The following IPO5 variants were observed in gnomAD, a reference collection of about 807,000 sequenced individuals.
IPO5 encodes the protein importin 5, also known as importin-5.
IPO5 carries 18 observed loss-of-function variants against 143.3 expected under a neutral mutation model. That is an observed-to-expected ratio of 0.13 (90% CI 0.09 to 0.19). The LOEUF (loss-of-function observed/expected upper bound fraction) is 0.19. IPO5 is among the 10% of genes least tolerant of loss of function. The probability of loss-of-function intolerance (pLI) is 1.00; values close to 1 mark genes in which losing one functional copy is unlikely to be tolerated. For synonymous variants in IPO5, 477 were observed against 465.7 expected (o/e 1.02, Z -0.31); for missense variants, 1,013 against 1,336.9 (o/e 0.76, Z 3.78).
rs149702818 is a variant in IPO5, at chr13:98,018,721, C to T, written c.2836+17C>T. The T allele has an allele frequency of 8.2e-4, 1,285 of 1,575,022 alleles. 14 individuals are homozygous for T. In the East Asian group the frequency reaches 0.023, roughly 29 times the overall value. ...TTTGTACAGGTACGTTTGCTTATTCCGTTACGTGCATTTCATTCCAGACAT... is the reference window on the plus strand; with the variant it reads ...TTTGTACAGGTACGTTTGCTTATTCTGTTACGTGCATTTCATTCCAGACAT... On this transcript the variant is annotated intron_variant, in intron 26 of 28. Coordinates refer to ENST00000651721, the MANE Select transcript of IPO5 (RefSeq NM_002271.6).
Position 97,985,402 on chromosome 13 carries a change from C to T in IPO5, c.172-19C>T. The T allele has an allele frequency of 1.3e-6, 2 of 1,592,602 alleles. No homozygotes were observed. Among genetic ancestry groups the T allele is most frequent in the Non-Finnish European group, 1.7e-6 (2 of 1,161,354 alleles). The stretch of plus-strand genomic sequence containing the variant: ...ATGGCAGAGTGAATCTAGTTATTAA[C>T]AATGTTATCTGTTTATAGGCTAGAC... On this transcript the variant is annotated intron_variant, in intron 5 of 28. Coordinates refer to ENST00000651721, the MANE Select transcript of IPO5 (RefSeq NM_002271.6).
chr13:97,962,571 C>G (rs1184449373), intron 2 of IPO5, among the ~76,000 whole-genome samples: 1 of 152,110 alleles, frequency 6.6e-6, no homozygotes, highest in Admixed American at 6.6e-5. Flanking sequence ...AATCCCAGCA[C>G]TTTGGGGGGC....
chr13:97,957,491 C>T (rs959389562), intron 2 of IPO5, among the ~76,000 whole-genome samples: 36 of 152,088 alleles, frequency 2.4e-4, no homozygotes, highest in African/African-American at 8.7e-4. Flanking sequence ...CCACCGCACT[C>T]AGCCTGATCT....
Position 98,014,309 on chromosome 13 carries a change from GCT to G in IPO5, c.2325+98_2325+99del, listed in dbSNP as rs1182121199. 1.4e-5 allele frequency: 12 copies of G among 879,148 alleles called. No individual in the cohort carries two copies. The Admixed American group carries it at 2.1e-4, about 16-fold the overall frequency. 54.5% of individuals were successfully genotyped at this position (879,148 alleles called of 1,614,324 possible). A position where few individuals can be genotyped will look rare whatever the true frequency, so the allele number is the denominator to read the frequency against. On this transcript the variant is annotated intron_variant, in intron 22 of 28. Coordinates refer to ENST00000651721, the MANE Select transcript of IPO5 (RefSeq NM_002271.6). ...AAAAAAAAATTTGAGACAGGGTATT[GCT>G]CTGTCACCCAGGCTGGAGTGCAGTG...
intron 10 of IPO5, 25 bp downstream of exon 10, chr13:97,993,039 TTC>T: frequency 1.2e-6 from 2 of 1,611,402 alleles, no homozygotes; most frequent in Non-Finnish European, 1.7e-6. Flanking sequence ...TTAGTAAACG[TTC>T]TGTTTGTTAT....
intron 3 of IPO5, among the ~76,000 whole-genome samples, chr13:97,974,976 C>A (rs1229754126): frequency 6.6e-6 from 1 of 152,244 alleles, no homozygotes; most frequent in Non-Finnish European, 1.5e-5. Context: ...ATTCTAAACA[C>A]AGTGGCCAAG....
At chr13:97,968,077 C>T (rs1216970457) in intron 2 of IPO5, among the ~76,000 whole-genome samples, 1 of 152,170 alleles carries the variant, frequency 6.6e-6, no homozygotes, top group Admixed American at 6.5e-5. Flanking sequence ...CCCACCTCAG[C>T]CTTCCAAAGC....
intron 22 of IPO5, among the ~76,000 whole-genome samples, chr13:98,015,279 CT>C (rs1224168168): frequency 1.4e-4 from 15 of 107,144 alleles, no homozygotes; most frequent in African/African-American, 4.5e-4. Context: ...TGTTTTCCAT[CT>C]TTGAATCCTC....
intron 2 of IPO5, among the ~76,000 whole-genome samples, chr13:97,959,200 A>C (rs879418824): frequency 4.0e-5 from 6 of 151,460 alleles, no homozygotes; most frequent in Non-Finnish European, 8.8e-5. Context: ...AGAACAAGTC[A>C]CACTACAGAA....
At chr13:97,996,752 G>A (rs756911828) in intron 11 of IPO5, among the ~76,000 whole-genome samples, 11 of 151,898 alleles carry the variant, frequency 7.2e-5, no homozygotes, top group Non-Finnish European at 1.0e-4. Flanking sequence ...ACAGGTGCTC[G>A]CCACCACACC....
chr13:98,008,490 A>G (rs746766567), intron 18 of IPO5, among the ~76,000 whole-genome samples: 5 of 152,074 alleles, frequency 3.3e-5, no homozygotes, highest in African/African-American at 9.7e-5. Context: ...CATTTATCCA[A>G]CATGTAATAG....
At chr13:97,989,002 C>T (rs1299110956) in intron 6 of IPO5, 60 bp from the exon 7 acceptor site, 1 of 888,846 alleles carries the variant, frequency 1.1e-6, no homozygotes, top group East Asian at 2.4e-5. Flanking sequence ...AAAGGATTTA[C>T]TCCTAGTATA....
chr13:98,008,244 C>T, intron 18 of IPO5, 102 bp downstream of exon 18: 1 of 653,422 alleles, frequency 1.5e-6, no homozygotes, highest in South Asian at 2.0e-5. Flanking sequence ...TCTTGACATA[C>T]TATCAACCCC....
intron 26 of IPO5, among the ~76,000 whole-genome samples, chr13:98,019,254 A>G (rs762187957): frequency 2.6e-5 from 4 of 152,140 alleles, no homozygotes; most frequent in Non-Finnish European, 5.9e-5. Flanking sequence ...ACCTGGCAGA[A>G]TAGGACTTTT....
At chr13:97,994,671 A>G (rs572606229) in intron 11 of IPO5, among the ~76,000 whole-genome samples, 11 of 152,348 alleles carry the variant, frequency 7.2e-5, no homozygotes, top group African/African-American at 2.2e-4. Flanking sequence ...AGCCAAGACA[A>G]TTTTGACGAA....
chr13:97,993,687 A>G lies in IPO5; in HGVS notation c.913+462A>G, dbSNP rs968264292. 3.9e-5 allele frequency among the ~76,000 whole-genome samples: 6 copies of G among 152,226 alleles called. No homozygotes were observed. In the East Asian group the frequency reaches 7.7e-4, roughly 20 times the overall value. ...GTTTTATAGACCCTCGTTGCAGCAG[A>G]AACTTAAATGGCTATTGTGCTATGG... On this transcript the variant is annotated intron_variant, in intron 11 of 28. Coordinates refer to ENST00000651721, the MANE Select transcript of IPO5 (RefSeq NM_002271.6).
chr13:97,999,103 A>G (rs1440396063), intron 12 of IPO5, among the ~76,000 whole-genome samples: 1 of 152,166 alleles, frequency 6.6e-6, no homozygotes, highest in Non-Finnish European at 1.5e-5. Flanking sequence ...AGATCACGTC[A>G]TTGCGCTACA....
Position 98,010,474 on chromosome 13 carries a change from G to A in IPO5, c.2055+250G>A, listed in dbSNP as rs765864707. ...GGAAGATGAATTACTGTGCCTTGGA[G>A]TAATATACAGCCATTACAAAAAGTT... On this transcript the variant is annotated intron_variant, in intron 20 of 28. Transcript: ENST00000651721. 4.3e-4 allele frequency among the ~76,000 whole-genome samples: 65 copies of A among 152,150 alleles called. 1 individual carries two copies. Among genetic ancestry groups the A allele is most frequent in the Admixed American group, 1.4e-3 (22 of 15,276 alleles).
intron 28 of IPO5, 80 bp downstream of exon 28, chr13:98,021,213 A>T: frequency 7.9e-7 from 1 of 1,265,784 alleles, no homozygotes. Context: ...GAAACTAGAA[A>T]TCTAATGAGC....
Sources: gnomAD v4.1 joint callset for allele counts (sites outside exome capture counted in the v4.1 genomes callset) on GRCh38, gnomAD v4.1.1 for gene constraint, MANE v1.5 for transcripts, NCBI Gene and HGNC (gene_info 2026-07-23, HGNC 2026-07-21) for gene names.